Variants in PELO observed in about 807,000 individuals in gnomAD.
PELO encodes pelota mRNA surveillance and ribosome rescue factor.
PELO carries 19 observed loss-of-function variants against 25.9 expected under a neutral mutation model. The ratio of observed to expected loss-of-function variants is 0.73; its 90% CI spans 0.51 to 1.08. The LOEUF (loss-of-function observed/expected upper bound fraction) is 1.08. Among genes scored for constraint, PELO ranks in the 50% least tolerant of loss-of-function variants. The pLI, the probability that PELO is intolerant of heterozygous loss-of-function variation, is 0.00. For synonymous variants in PELO, 196 were observed against 192.2 expected, an observed-to-expected ratio of 1.02 and a Z score of -0.16; for missense variants, 498 against 491.4, an observed-to-expected ratio of 1.01 and a Z score of -0.13.
chr5:52,791,751 G>C (rs1010161801), intron 1 of PELO, among the ~76,000 whole-genome samples: 15 of 8,076 alleles, frequency 1.9e-3, no homozygotes, highest in African/African-American at 6.1e-3. Flanking sequence ...CCCTCAGCTT[G>C]TTGATTAGCC....
chr5:52,800,811 T>G lies in PELO; in HGVS notation c.417T>G (p.Ala139=), dbSNP rs1223761207. 3 of 1,611,728 alleles carry G rather than the reference T, an allele frequency of 1.9e-6. No homozygotes were observed. Among genetic ancestry groups the G allele is most frequent in the Non-Finnish European group, 2.5e-6 (3 of 1,178,438 alleles). The change falls in exon 2 of 3, where the codon GCT becomes GCG. Residue 139 remains alanine (A), a synonymous_variant. Coordinates refer to ENST00000274311, the MANE Select transcript of PELO (RefSeq NM_015946.5). ...CAGCCTGGAGCGCTGATGTGGCGGC[T>G]GTGGTCATGCAGGAAGGCCTCGCCC... The part of the protein sequence containing the change: ...CDPAWSADVA[A]VVMQEGLAHI...
At chr5:52,801,298 T>A in intron 2 of PELO, 111 bp from the exon 3 acceptor site, 1 of 1,146,250 alleles carries the variant, frequency 8.7e-7, no homozygotes, top group African/African-American at 1.5e-5. Context: ...GGAGTAAACT[T>A]CGCTGAAACA....
At chr5:52,791,160 T>C (rs1748230435) in intron 1 of PELO, among the ~76,000 whole-genome samples, 2 of 152,230 alleles carry the variant, frequency 1.3e-5, no homozygotes, top group South Asian at 4.1e-4. Flanking sequence ...ATTTTATGTA[T>C]GTCAAAGTCT....
chr5:52,792,986 T>C (rs778451109), intron 1 of PELO, among the ~76,000 whole-genome samples: 1 of 152,150 alleles, frequency 6.6e-6, no homozygotes, highest in Non-Finnish European at 1.5e-5. Flanking sequence ...TCAGCTCCTT[T>C]ATTATGCCAG....
intron 1 of PELO, among the ~76,000 whole-genome samples, chr5:52,790,431 C>A (rs986611408): frequency 4.6e-5 from 7 of 152,182 alleles, no homozygotes; most frequent in African/African-American, 1.7e-4. Flanking sequence ...TTGTACAGTT[C>A]TGTAGGTCAG....
Position 52,801,050 on chromosome 5 carries a change from A to C in PELO, c.656A>C (p.Asp219Ala), listed in dbSNP as rs139977042. 7.4e-6 allele frequency: 12 copies of C among 1,613,710 alleles called. No individual in the cohort carries two copies. In the African/African-American group the frequency reaches 1.5e-4, roughly 20 times the overall value. Residue 219 changes from aspartate to alanine, a missense_variant, in exon 2 of 3, where the codon GAC (aspartate) becomes GCC (alanine). By Grantham distance (126) the Asp-to-Ala change is moderately radical (BLOSUM62 -2). Coordinates refer to ENST00000274311, the MANE Select transcript of PELO (RefSeq NM_015946.5). ...GGATTTGTGAGGGAGCAGTTCTGCGACTACCTGTTTCAACAAGCAGTGAAG... is the reference window on the plus strand; with the variant it reads ...GGATTTGTGAGGGAGCAGTTCTGCGCCTACCTGTTTCAACAAGCAGTGAAG... ...SPGFVREQFC[D>A]YLFQQAVKTD... is the part of the protein sequence containing the mutation.
In PELO at chr5:52,800,201, G is replaced by A; in HGVS notation, c.-194G>A. On this transcript the variant is annotated 5_prime_UTR_variant, in exon 2 of 3. Coordinates refer to ENST00000274311, the MANE Select transcript of PELO (RefSeq NM_015946.5). Reference sequence around the variant, plus strand: ...TAGACGCAGCGCGCCGGGAGACTGAGAGAGGAAAGGATAGAGGAAGTGCTG... The same window carrying A: ...TAGACGCAGCGCGCCGGGAGACTGAAAGAGGAAAGGATAGAGGAAGTGCTG... 1.7e-6 allele frequency: 1 copy of A among 604,876 alleles called. No individual in the cohort carries two copies. The highest frequency in any genetic ancestry group is 2.0e-5 in the South Asian group (1 of 50,564). 37.5% of individuals were successfully genotyped at this position (604,876 alleles called of 1,614,324 possible).
intron 1 of PELO, among the ~76,000 whole-genome samples, chr5:52,797,334 C>T (rs1305871544): frequency 6.6e-6 from 1 of 151,602 alleles, no homozygotes; most frequent in Non-Finnish European, 1.5e-5. Flanking sequence ...ATTTTTTTAA[C>T]CATGGATTTA....
At chr5:52,793,281 A>G (rs1000394040) in intron 1 of PELO, among the ~76,000 whole-genome samples, 1 of 152,100 alleles carries the variant, frequency 6.6e-6, no homozygotes, top group Non-Finnish European at 1.5e-5. Context: ...AATGAATCGC[A>G]AAAGAATTGA....
chr5:52,797,049 C>T (rs535334708), intron 1 of PELO, among the ~76,000 whole-genome samples: 2 of 151,934 alleles, frequency 1.3e-5, no homozygotes, highest in African/African-American at 2.4e-5. Flanking sequence ...GGATTGTAGA[C>T]GTTAATTCAT....
rs750806545 is a variant in PELO at position 52,800,461 on chromosome 5, C to G, written c.67C>G (p.Pro23Ala). The change falls in exon 2 of 3, where the codon CCT (proline) becomes GCT (alanine). Residue 23 changes from proline (P) to alanine (A), a missense_variant. Coordinates refer to ENST00000274311, the MANE Select transcript of PELO (RefSeq NM_015946.5). ...AGQVTLVPEEPEDMWHTYNLV... is the reference protein window; with the variant it reads ...AGQVTLVPEEAEDMWHTYNLV... ...CCAGGTGACCCTGGTCCCCGAGGAGCCTGAGGACATGTGGCACACTTACAA... is the reference window on the plus strand; with the variant it reads ...CCAGGTGACCCTGGTCCCCGAGGAGGCTGAGGACATGTGGCACACTTACAA... 4 of 1,614,034 alleles carry G rather than the reference C, an allele frequency of 2.5e-6. No homozygotes were observed. In the Admixed American group the frequency reaches 5.0e-5, roughly 20 times the overall value.
chr5:52,801,423 C>A lies in PELO; in HGVS notation c.741C>A (p.Ser247=). ...TGTGATTCTAGGTACATGCCTCCTC[C>A]GGACACAAGTACTCCCTGAAAGAGG... ...RSKFLQVHAS[S]GHKYSLKEAL... Residue 247 remains serine, a synonymous_variant, in exon 3 of 3, where the codon TCC becomes TCA. Transcript: ENST00000274311. The A allele has an allele frequency of 6.2e-7, 1 of 1,612,114 alleles. No homozygotes were observed. The highest frequency in any genetic ancestry group is 8.5e-7 in the Non-Finnish European group (1 of 1,178,542).
Position 52,800,290 on chromosome 5 carries a change from C to A in PELO, c.-105C>A, listed in dbSNP as rs1379382309. 5 of 1,294,896 alleles carry A rather than the reference C, an allele frequency of 3.9e-6. No homozygotes were observed. The Admixed American group carries it at 6.2e-5, about 16-fold the overall frequency. The allele number at this position is 1,294,896 out of a possible 1,614,324, so 80.2% of individuals were successfully genotyped here. A position where few individuals can be genotyped will look rare whatever the true frequency, so the allele number is the denominator to read the frequency against. ...CCGCCAGGCAAGTGCCCTTAGAAAC[C>A]GGGCCCCGCCCCCTTCCTGGCCTGC... is the stretch of plus-strand genomic sequence containing the variant. On this transcript the variant is annotated 5_prime_UTR_variant, in exon 2 of 3. Transcript: ENST00000274311.
At chr5:52,794,314 T>G (rs1479070571) in intron 1 of PELO, among the ~76,000 whole-genome samples, 1 of 152,012 alleles carries the variant, frequency 6.6e-6, no homozygotes. Context: ...AAATCATATA[T>G]CCTTACTACA....
chr5:52,795,366 A>C (rs982095823), intron 1 of PELO, among the ~76,000 whole-genome samples: 7 of 151,950 alleles, frequency 4.6e-5, no homozygotes, highest in Admixed American at 2.0e-4. Flanking sequence ...TTCCAAAATA[A>C]AATACAAGAT....
chr5:52,788,393 G>A lies in PELO; in HGVS notation c.-532G>A. Reference sequence around the variant, plus strand: ...CCGCGCCCGCCCAGGGGTCGCTGTCGCCTGCTGCTGGCTCCTCACTGGTGA... The same window carrying A: ...CCGCGCCCGCCCAGGGGTCGCTGTCACCTGCTGCTGGCTCCTCACTGGTGA... On this transcript the variant is annotated 5_prime_UTR_variant, in exon 1 of 3. Transcript: ENST00000274311. 6.6e-7 allele frequency: 1 copy of A among 1,512,536 alleles called. No individual in the cohort carries two copies. The highest frequency in any genetic ancestry group is 8.8e-7 in the Non-Finnish European group (1 of 1,133,482). The allele number at this position is 1,512,536 out of a possible 1,614,324, so 93.7% of individuals were successfully genotyped here.
chr5:52,799,363 C>T (rs1270309945), intron 1 of PELO, among the ~76,000 whole-genome samples: 1 of 152,172 alleles, frequency 6.6e-6, no homozygotes, highest in East Asian at 1.9e-4. Context: ...TTAGCTTTGG[C>T]AGTGAAGATC....
Position 52,801,111 on chromosome 5 carries a change from A to G in PELO, c.717A>G (p.Lys239=), listed in dbSNP as rs1748470641. ...DNKLLLENRS[K]FLQVHASSGH... is the part of the protein sequence containing the mutation. ...AACTGCTCCTGGAAAACCGGTCCAAATTTCTTCAGGTAAAACAATCTTACC... is the reference window on the plus strand; with the variant it reads ...AACTGCTCCTGGAAAACCGGTCCAAGTTTCTTCAGGTAAAACAATCTTACC... Residue 239 remains lysine, a synonymous_variant, in exon 2 of 3, where the codon AAA becomes AAG. Transcript: ENST00000274311. 6.2e-7 allele frequency: 1 copy of G among 1,600,652 alleles called. No individual in the cohort carries two copies. The highest frequency in any genetic ancestry group is 1.3e-5 in the African/African-American group (1 of 74,606).
In PELO at chr5:52,800,211, G is replaced by C; in HGVS notation, c.-184G>C. ...GCGCCGGGAGACTGAGAGAGGAAAGGATAGAGGAAGTGCTGCCCTAGGCTG... is the reference window on the plus strand; with the variant it reads ...GCGCCGGGAGACTGAGAGAGGAAAGCATAGAGGAAGTGCTGCCCTAGGCTG... On this transcript the variant is annotated 5_prime_UTR_variant, in exon 2 of 3. Coordinates refer to ENST00000274311, the MANE Select transcript of PELO (RefSeq NM_015946.5). The C allele has an allele frequency of 1.6e-6, 1 of 619,830 alleles. No homozygotes were observed. Among genetic ancestry groups the C allele is most frequent in the South Asian group, 2.0e-5 (1 of 51,280 alleles). The allele number at this position is 619,830 out of a possible 1,614,324, so 38.4% of individuals were successfully genotyped here. A position where few individuals can be genotyped will look rare whatever the true frequency, so the allele number is the denominator to read the frequency against.
Sources: gnomAD v4.1 joint callset for allele counts (sites outside exome capture counted in the v4.1 genomes callset) on GRCh38, gnomAD v4.1.1 for gene constraint, MANE v1.5 for transcripts, NCBI Gene and HGNC (gene_info 2026-07-23, HGNC 2026-07-21) for gene names.